ERBB4: variants seen among roughly 807,000 people sequenced by gnomAD.
ERBB4 encodes the protein receptor tyrosine-protein kinase erbB-4.
Under a neutral mutation model 158.0 loss-of-function variants are expected in ERBB4, and 42 were observed. The observed-to-expected ratio is 0.27, with a 90% CI of 0.21 to 0.34. The LOEUF is 0.34. Ranked by LOEUF, ERBB4 falls within the 10% of genes least tolerant of loss-of-function variation. The probability of loss-of-function intolerance (pLI) is 1.00; values close to 1 mark genes in which losing one functional copy is unlikely to be tolerated. For synonymous variants in ERBB4, 583 were observed against 558.7 expected (o/e 1.04, Z -0.61); for missense variants, 1,333 against 1,624.1 (o/e 0.82, Z 3.08).
chr2:212,240,685 A>C (rs2084068836), intron 1 of ERBB4, among the ~76,000 whole-genome samples: 1 of 150,934 alleles, frequency 6.6e-6, no homozygotes, highest in Admixed American at 6.6e-5. Flanking sequence ...AAAAGAAAAA[A>C]GGACAGATAA....
chr2:211,621,662 G>C (rs917605869), intron 18 of ERBB4, among the ~76,000 whole-genome samples: 4 of 152,144 alleles, frequency 2.6e-5, no homozygotes, highest in Admixed American at 6.6e-5. Flanking sequence ...TTAATTTACA[G>C]ACCACATTAT....
At position 211,729,261 on chromosome 2, in the gene ERBB4, C is replaced by T. The variant is rs1333301302; in HGVS notation, c.623-4067G>A. The stretch of plus-strand genomic sequence containing the variant: ...ATTATCCAAATGCAGATGCATTCCA[C>T]AATTTTTATTTAACATGTTAAAAGG... On this transcript the variant is annotated intron_variant, in intron 5 of 27. Coordinates refer to ENST00000342788, the MANE Select transcript of ERBB4 (RefSeq NM_005235.3). 2.6e-5 allele frequency among the ~76,000 whole-genome samples: 4 copies of T among 151,816 alleles called. 1 individual carries two copies. Among genetic ancestry groups the T allele is most frequent in the Middle Eastern group, 3.4e-3 (1 of 294 alleles).
intron 1 of ERBB4, among the ~76,000 whole-genome samples, chr2:212,449,618 T>C (rs1464770310): frequency 6.6e-6 from 1 of 152,100 alleles, no homozygotes; most frequent in Non-Finnish European, 1.5e-5. Flanking sequence ...GCTTTTATTG[T>C]CATTATTTGT....
intron 1 of ERBB4, among the ~76,000 whole-genome samples, chr2:212,310,184 C>A (rs1226091519): frequency 6.6e-6 from 1 of 150,620 alleles, no homozygotes. Flanking sequence ...ATTCACCATT[C>A]TCCATGTTAT....
chr2:211,579,225 A>C (rs2067983955), intron 19 of ERBB4, among the ~76,000 whole-genome samples: 1 of 152,198 alleles, frequency 6.6e-6, no homozygotes. Context: ...AGATGTTGAA[A>C]TGCAAATCAA....
At chr2:212,207,671 G>A (rs999846183) in intron 1 of ERBB4, among the ~76,000 whole-genome samples, 1 of 152,114 alleles carries the variant, frequency 6.6e-6, no homozygotes, top group Non-Finnish European at 1.5e-5. Context: ...ATTATGAACT[G>A]TGTAATCTGT....
In ERBB4 at chr2:211,713,517, A is replaced by G. The variant is rs1575033655; in HGVS notation, c.997+18T>C. 1 of 1,451,038 alleles carries G rather than the reference A, an allele frequency of 6.9e-7. No individual in the cohort carries two copies. Among genetic ancestry groups the G allele is most frequent in the East Asian group, 2.3e-5 (1 of 44,162 alleles). The allele number at this position is 1,451,038 out of a possible 1,614,324, so 89.9% of individuals were successfully genotyped here. ...ATATAGGCCCAGTTCTAACTAAATA[A>G]TCTGAGCTACCACTCACCTTTTGGG... On this transcript the variant is annotated intron_variant, in intron 8 of 27. Coordinates refer to ENST00000342788, the MANE Select transcript of ERBB4 (RefSeq NM_005235.3).
chr2:212,215,591 T>C (rs2083074234), intron 1 of ERBB4, among the ~76,000 whole-genome samples: 1 of 151,396 alleles, frequency 6.6e-6, no homozygotes, highest in Non-Finnish European at 1.5e-5. Context: ...AACTTAGTTT[T>C]TGTGTTTTTA....
chr2:212,515,521 CAATTA>C (rs1422372539), intron 1 of ERBB4, among the ~76,000 whole-genome samples: 2 of 151,532 alleles, frequency 1.3e-5, no homozygotes, highest in African/African-American at 2.4e-5. Flanking sequence ...ATTTTAAAAT[CAATTA>C]AATTAAAGAT....
chr2:212,174,406 C>T lies in ERBB4; in HGVS notation c.83-49503G>A, dbSNP rs142009747. Among the ~76,000 whole-genome samples the T allele has an allele frequency of 4.5e-3, 681 of 152,182 alleles. 1 individual carries two copies. Among genetic ancestry groups the T allele is most frequent in the African/African-American group, 9.5e-3 (395 of 41,540 alleles). ...CTGAGGCTACAAGTTAAGATACATACATTAAATGCTATTTCAGAATAGCAT... is the reference window on the plus strand; with the variant it reads ...CTGAGGCTACAAGTTAAGATACATATATTAAATGCTATTTCAGAATAGCAT... On this transcript the variant is annotated intron_variant, in intron 1 of 27. Transcript: ENST00000342788.
At chr2:211,876,505 T>C (rs556690872) in intron 3 of ERBB4, among the ~76,000 whole-genome samples, 54 of 152,304 alleles carry the variant, frequency 3.5e-4, no homozygotes, top group African/African-American at 1.2e-3. Flanking sequence ...AATAGATACT[T>C]TTCCCTCATG....
intron 3 of ERBB4, among the ~76,000 whole-genome samples, chr2:211,938,672 A>G (rs932820511): frequency 2.6e-5 from 4 of 152,042 alleles, no homozygotes; most frequent in African/African-American, 7.3e-5. Context: ...GACATGCTTG[A>G]CTATAAAAAT....
chr2:212,206,586 G>GTTATTTTTTTTTTTTTTTTTTTTTTTTT (rs1393759656), intron 1 of ERBB4, among the ~76,000 whole-genome samples: 1 of 66,804 alleles, frequency 1.5e-5, no homozygotes, highest in African/African-American at 4.9e-5. Context: ...CGTCTGTTCT[G>GTTATTTTTTTTTTTTTTTTTTTTTTTTT]TTCTTTTTTT....
intron 4 of ERBB4, among the ~76,000 whole-genome samples, chr2:211,771,742 G>GC (rs1337122149): frequency 6.6e-6 from 1 of 152,058 alleles, no homozygotes; most frequent in Non-Finnish European, 1.5e-5. Context: ...GTTTTATTCA[G>GC]CATTTGCTCA....
chr2:212,307,491 T>C (rs916632926), intron 1 of ERBB4, among the ~76,000 whole-genome samples: 23 of 151,214 alleles, frequency 1.5e-4, no homozygotes, highest in African/African-American at 5.1e-4. Context: ...AGCTACCACT[T>C]TGCCCTTTTT....
At position 211,376,877 on chromosome 2, in the gene ERBB4, TGAG is replaced by T. The variant is rs1474643249; in HGVS notation, c.*6735_*6737del. ...CACGCAATCCCTGGTGCTCTCAACA[TGAG>T]AAGGAGACACACCAGCCAGGGAGAC... On this transcript the variant is annotated 3_prime_UTR_variant, in exon 28 of 28. Coordinates refer to ENST00000342788, the MANE Select transcript of ERBB4 (RefSeq NM_005235.3). 2 of 233,204 alleles carry T rather than the reference TGAG, an allele frequency of 8.6e-6. No individual in the cohort carries two copies. Among genetic ancestry groups the T allele is most frequent in the African/African-American group, 4.4e-5 (2 of 45,406 alleles). 14.4% of individuals were successfully genotyped at this position (233,204 alleles called of 1,614,324 possible). A position where few individuals can be genotyped will look rare whatever the true frequency, so the allele number is the denominator to read the frequency against.
chr2:211,932,306 T>G (rs938565054), intron 3 of ERBB4, among the ~76,000 whole-genome samples: 1 of 151,996 alleles, frequency 6.6e-6, no homozygotes, highest in African/African-American at 2.4e-5. Context: ...TATGCGTAAG[T>G]CTTAGAGTGT....
chr2:212,258,669 G>A (rs2084828329), intron 1 of ERBB4, among the ~76,000 whole-genome samples: 1 of 149,344 alleles, frequency 6.7e-6, no homozygotes, highest in South Asian at 2.1e-4. Context: ...CATTGAGGCA[G>A]TCTAGTTAAA....
chr2:212,353,127 T>G (rs965739972), intron 1 of ERBB4, among the ~76,000 whole-genome samples: 1 of 152,000 alleles, frequency 6.6e-6, no homozygotes, highest in African/African-American at 2.4e-5. Context: ...TCAGGACCAG[T>G]TCTAGGGGAT....
Sources: allele counts gnomAD v4.1 joint callset (sites outside exome capture counted in the v4.1 genomes callset), GRCh38; gene constraint gnomAD v4.1.1; transcripts MANE v1.5; gene names NCBI Gene and HGNC (gene_info 2026-07-23, HGNC 2026-07-21).